Variants in GLYATL2 observed in about 807,000 individuals in gnomAD.
GLYATL2 encodes glycine-N-acyltransferase like 2.
A neutral mutation model predicts 21.4 loss-of-function variants in GLYATL2; 25 were observed. The ratio of observed to expected loss-of-function variants is 1.17; its 90% CI spans 0.85 to 1.63. The LOEUF (loss-of-function observed/expected upper bound fraction) is 1.63. Ranked by LOEUF, GLYATL2 falls within the 40% of genes most tolerant of loss-of-function variation. The pLI is 0.00. For missense variants in GLYATL2, 361 were observed against 343.3 expected, an observed-to-expected ratio of 1.05 and a Z score of -0.41; for synonymous variants, 114 against 118.2, an observed-to-expected ratio of 0.96 and a Z score of 0.23.
At chr11:58,858,645 C>A (rs182738241) in intron 1 of GLYATL2, among the ~76,000 whole-genome samples, 1 of 152,220 alleles carries the variant, frequency 6.6e-6, no homozygotes, top group African/African-American at 2.4e-5. Flanking sequence ...TTTGTGTTGA[C>A]AAGTTGCCTT....
At position 58,894,475 on chromosome 11, in the gene GLYATL2, G is replaced by GC. The variant is rs749575505; in HGVS notation, n.60+9680dup. Among the ~76,000 whole-genome samples, 23 of 5,522 alleles carry GC rather than the reference G, an allele frequency of 4.2e-3. 6 individuals carry two copies. Among genetic ancestry groups the GC allele is most frequent in the Non-Finnish European group, 0.021 (15 of 700 alleles). The allele number at this position is 5,522 out of a possible 152,430, so 3.6% of individuals were successfully genotyped here. A position where few individuals can be genotyped will look rare whatever the true frequency, so the allele number is the denominator to read the frequency against. On this transcript the variant is annotated intron_variant and non_coding_transcript_variant, in intron 1 of 4. Transcript: ENST00000533636. ...GATTACTGTGAACATTGCAGCTATAGCAAAAAAAAAAAAAAAAAGCATTTT... is the reference window on the plus strand; with the variant it reads ...GATTACTGTGAACATTGCAGCTATAGCCAAAAAAAAAAAAAAAAAGCATTTT...
intron 5 of GLYATL2, among the ~76,000 whole-genome samples, chr11:58,836,715 A>G (rs1324039679): frequency 2.0e-5 from 3 of 152,168 alleles, no homozygotes; most frequent in African/African-American, 7.2e-5. Flanking sequence ...TTCTATAAGC[A>G]TGCAGCATTT....
chr11:58,891,847 ATTGTGCTGGGTGC>A (rs1479574706), intron 1 of GLYATL2, among the ~76,000 whole-genome samples: 1 of 152,178 alleles, frequency 6.6e-6, no homozygotes, highest in Non-Finnish European at 1.5e-5. Context: ...TGCAATCTTG[ATTGTGCTGGGTGC>A]TCGGTGATGC....
chr11:58,875,021 T>C (rs1175057702), intron 1 of GLYATL2, among the ~76,000 whole-genome samples: 1 of 152,250 alleles, frequency 6.6e-6, no homozygotes, highest in Non-Finnish European at 1.5e-5. Flanking sequence ...TCTTGTTGAA[T>C]TGATCCCTTT....
At position 58,834,581 on chromosome 11, in the gene GLYATL2, G is replaced by C; in HGVS notation, c.733C>G (p.Leu245Val). The change falls in exon 6 of 6, where the codon CTT becomes GTT. Residue 245 changes from leucine to valine, a missense_variant. By Grantham distance (32) the Leu-to-Val change is conservative. Transcript: ENST00000287275. ...TCTTTCTGAGAAAGATACTTTTCAA[G>C]ATGATAACCAATTTGCAACATGTTG... ...QGNMLQIGYH[L>V]EKYLSQKEIP... 5 of 1,613,888 alleles carry C rather than the reference G, an allele frequency of 3.1e-6. No homozygotes were observed. The highest frequency in any genetic ancestry group is 1.1e-5 in the South Asian group (1 of 91,048).
chr11:58,834,958 T>C, intron 5 of GLYATL2, 121 bp from the exon 6 acceptor site: 1 of 660,006 alleles, frequency 1.5e-6, no homozygotes, highest in South Asian at 2.1e-5. Context: ...AGGCAATAGA[T>C]GCATAACAAC....
At chr11:58,876,294 A>G (rs1854231104) in intron 1 of GLYATL2, among the ~76,000 whole-genome samples, 1 of 152,188 alleles carries the variant, frequency 6.6e-6, no homozygotes, top group African/African-American at 2.4e-5. Flanking sequence ...TCAACTCATC[A>G]AAGTCATTCT....
At chr11:58,900,799 G>C (rs1025090005) in intron 1 of GLYATL2, among the ~76,000 whole-genome samples, 3 of 151,918 alleles carry the variant, frequency 2.0e-5, no homozygotes, top group Admixed American at 6.5e-5. Flanking sequence ...GGAAGCTTGG[G>C]GGGGTGGTCA....
At chr11:58,905,295 C>T (rs1304065968), upstream of GLYATL2, 1 of 376,218 alleles carries the variant, frequency 2.7e-6, no homozygotes, top group Non-Finnish European at 5.3e-6. Flanking sequence ...CTCACGCAGA[C>T]GCGGGTGCAG....
At chr11:58,857,162 C>A (rs1195787084) in intron 1 of GLYATL2, among the ~76,000 whole-genome samples, 1 of 152,224 alleles carries the variant, frequency 6.6e-6, no homozygotes, top group Admixed American at 6.5e-5. Context: ...GTTCTCCTCT[C>A]CTCACATCCT....
chr11:58,858,504 C>T (rs564332687), intron 1 of GLYATL2, among the ~76,000 whole-genome samples: 1 of 151,354 alleles, frequency 6.6e-6, no homozygotes, highest in Non-Finnish European at 1.5e-5. Context: ...AAGCCCTTCC[C>T]TTTCCACTTG....
upstream of GLYATL2, among the ~76,000 whole-genome samples, chr11:58,847,957 T>C (rs1297252634): frequency 6.7e-6 from 1 of 150,194 alleles, no homozygotes; most frequent in Non-Finnish European, 1.5e-5. Flanking sequence ...CTTATGTCAC[T>C]CCACCCCCAA....
upstream of GLYATL2, among the ~76,000 whole-genome samples, chr11:58,846,969 C>T (rs148028250): frequency 6.0e-4 from 91 of 152,064 alleles, no homozygotes; most frequent in Non-Finnish European, 1.1e-3. Context: ...AACAGTAAGG[C>T]GAACTTCATC....
chr11:58,838,431 G>T (rs1267593197), intron 2 of GLYATL2, 63 bp from the exon 3 acceptor site: 2 of 1,035,512 alleles, frequency 1.9e-6, no homozygotes, highest in Non-Finnish European at 2.9e-6. Context: ...AGTCTTATAT[G>T]TGGAGAAATA....
At position 58,838,276 on chromosome 11, in the gene GLYATL2, G is replaced by A. The variant is rs1853476499; in HGVS notation, c.171C>T (p.Thr57=). The A allele has an allele frequency of 2.5e-6, 4 of 1,611,128 alleles. No homozygotes were observed. Among genetic ancestry groups the A allele is most frequent in the Non-Finnish European group, 1.7e-6 (2 of 1,177,572 alleles). Residue 57 remains threonine, a synonymous_variant, in exon 3 of 6, where the codon ACC becomes ACT. Coordinates refer to ENST00000287275, the MANE Select transcript of GLYATL2 (RefSeq NM_145016.4). ...TTGCTCCTACCTGTTTCTGAGGCCG[G>A]GTAATGACGATCTGGTAATCTGGCC... The part of the protein sequence containing the change: ...DAWPDYQIVI[T]RPQKQEMKDD...
intron 1 of GLYATL2, among the ~76,000 whole-genome samples, chr11:58,884,294 A>G (rs1388498549): frequency 6.6e-6 from 1 of 152,368 alleles, no homozygotes; most frequent in East Asian, 1.9e-4. Flanking sequence ...TGCAGATGAT[A>G]TGATTGTATA....
At chr11:58,873,972 T>C (rs947434087) in intron 1 of GLYATL2, among the ~76,000 whole-genome samples, 7 of 152,228 alleles carry the variant, frequency 4.6e-5, no homozygotes, top group African/African-American at 1.4e-4. Context: ...GAGGGTGTTA[T>C]TGGTCTATTG....
At chr11:58,843,422 A>T (rs1442942649) in intron 1 of GLYATL2, among the ~76,000 whole-genome samples, 1 of 152,206 alleles carries the variant, frequency 6.6e-6, no homozygotes, top group Non-Finnish European at 1.5e-5. Flanking sequence ...GTAAAGATGG[A>T]CACTATGATT....
At chr11:58,905,583 C>G (rs1362283694), upstream of GLYATL2, 1 of 456,192 alleles carries the variant, frequency 2.2e-6, no homozygotes, top group African/African-American at 2.0e-5. Context: ...GCCGCGCAAC[C>G]CCTCCTTGGC....
Sources: allele counts gnomAD v4.1 joint callset (sites outside exome capture counted in the v4.1 genomes callset), GRCh38; gene constraint gnomAD v4.1.1; transcripts MANE v1.5; gene names NCBI Gene and HGNC (gene_info 2026-07-23, HGNC 2026-07-21).